TOP1: variants seen among roughly 807,000 people sequenced by gnomAD.
The protein encoded by TOP1 is DNA topoisomerase 1.
Under a neutral mutation model 111.1 loss-of-function variants are expected in TOP1, and 10 were observed. The observed-to-expected ratio is 0.09, with a 90% CI of 0.06 to 0.15. TOP1 has a LOEUF of 0.15. TOP1 is among the 10% of genes least tolerant of loss of function. The probability of loss-of-function intolerance (pLI) is 1.00; values close to 1 mark genes in which losing one functional copy is unlikely to be tolerated. For synonymous variants in TOP1, 271 were observed against 302.9 expected (o/e 0.89, Z 1.10); for missense variants, 474 against 926.7 (o/e 0.51, Z 6.34).
intron 3 of TOP1, chr20:41,073,307 A>C (rs996114515): frequency 2.0e-6 from 2 of 985,040 alleles, no homozygotes; most frequent in Admixed American, 1.2e-4. Flanking sequence ...TGGAACTTAA[A>C]GGAAGATGGA....
Position 41,071,773 on chromosome 20 carries a change from T to A in TOP1, c.156-4398T>A, listed in dbSNP as rs1043082415. 3.3e-5 allele frequency among the ~76,000 whole-genome samples: 5 copies of A among 152,224 alleles called. No homozygotes were observed. Among genetic ancestry groups the A allele is most frequent in the African/African-American group, 9.6e-5 (4 of 41,456 alleles). ...CTGACTTTTGCTTTCTAGTCCCTGC[T>A]AGTGTGTTGGAATCTTACCCCATAC... On this transcript the variant is annotated intron_variant, in intron 3 of 20. Transcript: ENST00000361337. This position sits in a 1 kb window ranked among gnomAD's most constrained non-coding sequence, Gnocchi z 4.3.
rs537379715 is a variant in TOP1 at position 41,086,670 on chromosome 20, G to A, written c.614+2102G>A. Among the ~76,000 whole-genome samples, 4 of 152,280 alleles carry A rather than the reference G, an allele frequency of 2.6e-5. No homozygotes were observed. The East Asian group carries it at 5.8e-4, about 22-fold the overall frequency. On this transcript the variant is annotated intron_variant, in intron 8 of 20. Coordinates refer to ENST00000361337, the MANE Select transcript of TOP1 (RefSeq NM_003286.4). Reference sequence around the variant, plus strand: ...TGTGGTTGAAATCCTTATCAGTGTTGCCACACATTCACTCTGACAGACCAT... The same window carrying A: ...TGTGGTTGAAATCCTTATCAGTGTTACCACACATTCACTCTGACAGACCAT...
In TOP1 at chr20:41,114,194, T is replaced by G. The variant is rs760247672; in HGVS notation, c.1638+39T>G. 4 of 1,555,254 alleles carry G rather than the reference T, an allele frequency of 2.6e-6. No homozygotes were observed. In the African/African-American group the frequency reaches 5.4e-5, roughly 21 times the overall value. On this transcript the variant is annotated intron_variant, in intron 15 of 20. Coordinates refer to ENST00000361337, the MANE Select transcript of TOP1 (RefSeq NM_003286.4). The surrounding 1 kb of genome is among the most constrained non-coding windows in gnomAD (Gnocchi z 4.5). ...CCTGTACTGTCTGACTTGTTTTCCA[T>G]TATTCAACAAGCATGGGTTGACTGC... is the stretch of plus-strand genomic sequence containing the variant.
Position 41,073,351 on chromosome 20 carries a change from T to C in TOP1, c.156-2820T>C, listed in dbSNP as rs1039308792. ...GAATTCAGATTCCTGAATTAGCCAT[T>C]TATAGTTTCATGGGAAGACAATGAA... On this transcript the variant is annotated intron_variant, in intron 3 of 20. Coordinates refer to ENST00000361337, the MANE Select transcript of TOP1 (RefSeq NM_003286.4). The C allele has an allele frequency of 1.4e-5, 14 of 983,980 alleles. No individual in the cohort carries two copies. In the African/African-American group the frequency reaches 1.9e-4, roughly 14 times the overall value. The allele number at this position is 983,980 out of a possible 1,614,324, so 61.0% of individuals were successfully genotyped here. A position where few individuals can be genotyped will look rare whatever the true frequency, so the allele number is the denominator to read the frequency against.
intron 8 of TOP1, among the ~76,000 whole-genome samples, chr20:41,090,345 T>C (rs1231710449): frequency 1.3e-5 from 2 of 152,204 alleles, no homozygotes; most frequent in Admixed American, 6.5e-5. Context: ...ATTTTTTTAA[T>C]TGGGTTGTTT....
In TOP1 at chr20:41,106,156, A is replaced by G. The variant is rs2034142270; in HGVS notation, c.1308+4803A>G. 6.6e-6 allele frequency among the ~76,000 whole-genome samples: 1 copy of G among 152,032 alleles called. No homozygotes were observed. The highest frequency in any genetic ancestry group is 2.4e-5 in the African/African-American group (1 of 41,390). On this transcript the variant is annotated intron_variant, in intron 13 of 20. Transcript: ENST00000361337. This position sits in a 1 kb window ranked among gnomAD's most constrained non-coding sequence, Gnocchi z 4.3. The stretch of plus-strand genomic sequence containing the variant: ...TGTCACAGAACTATTTAGTTGTATT[A>G]CCTCCTCTCTTGTATATCAGATATA...
intron 2 of TOP1, among the ~76,000 whole-genome samples, chr20:41,037,519 T>C (rs1349304766): frequency 6.6e-6 from 1 of 152,244 alleles, no homozygotes; most frequent in Non-Finnish European, 1.5e-5. Flanking sequence ...TTCTTTGAAA[T>C]AGTAATTCTT....
intron 2 of TOP1, among the ~76,000 whole-genome samples, chr20:41,060,322 A>G (rs1299982409): frequency 6.6e-6 from 1 of 152,250 alleles, no homozygotes; most frequent in Non-Finnish European, 1.5e-5. Flanking sequence ...TCAGCAATAA[A>G]ATGGAACCAA....
intron 2 of TOP1, among the ~76,000 whole-genome samples, chr20:41,048,257 A>C (rs1328491616): frequency 1.3e-5 from 2 of 152,198 alleles, no homozygotes; most frequent in African/African-American, 4.8e-5. Flanking sequence ...AGACTCAGGA[A>C]TAAGAAATAA....
intron 2 of TOP1, among the ~76,000 whole-genome samples, chr20:41,043,084 G>A (rs1360870077): frequency 6.6e-6 from 1 of 152,182 alleles, no homozygotes; most frequent in Non-Finnish European, 1.5e-5. Flanking sequence ...GGTTCTCAAT[G>A]TGTGGTTTCC....
At position 41,029,527 on chromosome 20, in the gene TOP1, C is replaced by G. The variant is rs1248262834; in HGVS notation, c.58+72C>G. 1.6e-6 allele frequency: 2 copies of G among 1,250,470 alleles called. No homozygotes were observed. The highest frequency in any genetic ancestry group is 1.3e-5 in the South Asian group (1 of 79,592). 77.5% of individuals were successfully genotyped at this position (1,250,470 alleles called of 1,614,324 possible). On this transcript the variant is annotated intron_variant, in intron 2 of 20. Coordinates refer to ENST00000361337, the MANE Select transcript of TOP1 (RefSeq NM_003286.4). This position sits in a 1 kb window ranked among gnomAD's most constrained non-coding sequence, Gnocchi z 6.1. The stretch of plus-strand genomic sequence containing the variant: ...CGCCTCCCCCGCGCCCTGCCGGTGC[C>G]GGGCAGAGGACAGACATGGCGTCCC...
At position 41,121,950 on chromosome 20, in the gene TOP1, G is replaced by A; in HGVS notation, c.2046-56G>A. 6.2e-7 allele frequency: 1 copy of A among 1,600,550 alleles called. No homozygotes were observed. The highest frequency in any genetic ancestry group is 1.7e-5 in the Admixed American group (1 of 58,768). On this transcript the variant is annotated intron_variant, in intron 19 of 20. Coordinates refer to ENST00000361337, the MANE Select transcript of TOP1 (RefSeq NM_003286.4). This position sits in a 1 kb window ranked among gnomAD's most constrained non-coding sequence, Gnocchi z 4.2. ...GACTCAAAGTGGCAGGATGGGTACAGTGTGCTCTTGTCTAGAGCCCAGGCC... is the reference window on the plus strand; with the variant it reads ...GACTCAAAGTGGCAGGATGGGTACAATGTGCTCTTGTCTAGAGCCCAGGCC...
In TOP1 at chr20:41,095,401, C is replaced by T. The variant is rs763151582; in HGVS notation, c.731-1819C>T. On this transcript the variant is annotated intron_variant, in intron 9 of 20. Transcript: ENST00000361337. The surrounding 1 kb of genome is among the most constrained non-coding windows in gnomAD (Gnocchi z 4.6). Reference sequence around the variant, plus strand: ...ACATTTTTTTCTTGCCATTTTATTTCATTTATTTTATTCCTAATGACTTAA... The same window carrying T: ...ACATTTTTTTCTTGCCATTTTATTTTATTTATTTTATTCCTAATGACTTAA... Among the ~76,000 whole-genome samples the T allele has an allele frequency of 6.6e-6, 1 of 151,916 alleles. No homozygotes were observed. Among genetic ancestry groups the T allele is most frequent in the Non-Finnish European group, 1.5e-5 (1 of 67,968 alleles).
rs1468464547 is a variant in TOP1 at position 41,036,903 on chromosome 20, T to TCACTGC, written c.58+7449_58+7454dup. ...TGGAGTGCAGTGGCGCAATCTCGGC[T>TCACTGC]CACTGCAAGCTCCGCCTCCCAGGTT... On this transcript the variant is annotated intron_variant, in intron 2 of 20. Coordinates refer to ENST00000361337, the MANE Select transcript of TOP1 (RefSeq NM_003286.4). 2.7e-5 allele frequency among the ~76,000 whole-genome samples: 4 copies of TCACTGC among 147,012 alleles called. No individual in the cohort carries two copies. In the Admixed American group the frequency reaches 2.8e-4, roughly 10 times the overall value.
intron 8 of TOP1, among the ~76,000 whole-genome samples, chr20:41,086,251 A>G (rs2033846731): frequency 6.6e-6 from 1 of 150,910 alleles, no homozygotes; most frequent in Non-Finnish European, 1.5e-5. Context: ...CGACAGAGCG[A>G]GACTCTGTCT....
In TOP1 at chr20:41,097,712, A is replaced by AT. The variant is rs2034001554; in HGVS notation, c.852+374dup. Among the ~76,000 whole-genome samples the AT allele has an allele frequency of 6.6e-6, 1 of 152,158 alleles. No homozygotes were observed. The highest frequency in any genetic ancestry group is 6.5e-5 in the Admixed American group (1 of 15,270). On this transcript the variant is annotated intron_variant, in intron 10 of 20. Coordinates refer to ENST00000361337, the MANE Select transcript of TOP1 (RefSeq NM_003286.4). The surrounding 1 kb of genome is among the most constrained non-coding windows in gnomAD (Gnocchi z 4.2). ...TCCCTCTCGCTGTTAATTCTTGCTC[A>AT]TTTATTTTAGGTACTTTCTACTCTT...
In TOP1 at chr20:41,118,485, T is replaced by G. The variant is rs1230966389; in HGVS notation, c.1950+189T>G. 1.3e-5 allele frequency among the ~76,000 whole-genome samples: 2 copies of G among 152,242 alleles called. No individual in the cohort carries two copies. The highest frequency in any genetic ancestry group is 6.5e-5 in the Admixed American group (1 of 15,282). ...AGATACTGAATATCAGAGTATCCAT[T>G]ATTCAAGAAATCTTTATTCTACGCA... On this transcript the variant is annotated intron_variant, in intron 18 of 20. Transcript: ENST00000361337. The surrounding 1 kb of genome is among the most constrained non-coding windows in gnomAD (Gnocchi z 4.6).
chr20:41,121,604 A>C lies in TOP1; in HGVS notation c.1951-92A>C, dbSNP rs1600607799. 1 of 958,262 alleles carries C rather than the reference A, an allele frequency of 1.0e-6. No homozygotes were observed. Among genetic ancestry groups the C allele is most frequent in the East Asian group, 2.4e-5 (1 of 41,674 alleles). The allele number at this position is 958,262 out of a possible 1,614,324, so 59.4% of individuals were successfully genotyped here. ...TATCTGACAAACCACTGACAGAGAC[A>C]GCCTGGTCCAGATAACATCTTGGTT... On this transcript the variant is annotated intron_variant, in intron 18 of 20. Coordinates refer to ENST00000361337, the MANE Select transcript of TOP1 (RefSeq NM_003286.4). This position sits in a 1 kb window ranked among gnomAD's most constrained non-coding sequence, Gnocchi z 4.2.
intron 3 of TOP1, among the ~76,000 whole-genome samples, chr20:41,066,501 A>G (rs566309129): frequency 4.1e-4 from 63 of 151,836 alleles, no homozygotes; most frequent in Non-Finnish European, 7.9e-4. Context: ...TTCCAAGATC[A>G]TATTGTAGGT....
Sources: allele counts gnomAD v4.1 joint callset (sites outside exome capture counted in the v4.1 genomes callset), GRCh38; gene constraint gnomAD v4.1.1; non-coding constraint Gnocchi (gnomAD v3.1); transcripts MANE v1.5; gene names NCBI Gene and HGNC (gene_info 2026-07-23, HGNC 2026-07-21).